The following PLEKHA2 variants were observed in gnomAD, a reference collection of about 807,000 sequenced individuals.
PLEKHA2 encodes pleckstrin homology domain-containing family A member 2.
A neutral mutation model predicts 53.2 loss-of-function variants in PLEKHA2; 28 were observed. The observed-to-expected ratio is 0.53, with a 90% confidence interval of 0.39 to 0.72. The LOEUF is 0.72. Among genes scored for constraint, PLEKHA2 ranks in the 30% least tolerant of loss-of-function variants. The pLI, the probability that PLEKHA2 is intolerant of heterozygous loss-of-function variation, is 0.00. For missense variants in PLEKHA2, 426 were observed against 537.9 expected, an observed-to-expected ratio of 0.79 and a Z score of 2.06; for synonymous variants, 193 against 196.4, an observed-to-expected ratio of 0.98 and a Z score of 0.14.
At chr8:38,934,330 A>G (rs867681204) in intron 2 of PLEKHA2, among the ~76,000 whole-genome samples, 4 of 152,054 alleles carry the variant, frequency 2.6e-5, no homozygotes, top group Admixed American at 6.6e-5. Flanking sequence ...CTGATAGATC[A>G]TTTCACTGAT....
At chr8:38,960,947 A>G (rs1410772650) in intron 10 of PLEKHA2, 4 of 152,220 alleles carry the variant, frequency 2.6e-5, no homozygotes, top group African/African-American at 7.2e-5. Context: ...AACAGTATGC[A>G]TTGGTCATTT....
chr8:38,957,461 T>G, intron 10 of PLEKHA2, 75 bp downstream of exon 10: 1 of 1,292,436 alleles, frequency 7.7e-7, no homozygotes, highest in Non-Finnish European at 1.1e-6. Flanking sequence ...TGTCCTTTCC[T>G]TTGCTTTCTC....
At chr8:38,955,602 C>A (rs536415797) in intron 9 of PLEKHA2, among the ~76,000 whole-genome samples, 1 of 152,228 alleles carries the variant, frequency 6.6e-6, no homozygotes, top group African/African-American at 2.4e-5. Context: ...CAGGATTCAC[C>A]CCAGGTCTAT....
chr8:38,943,084 G>T (rs1314588582), intron 3 of PLEKHA2, among the ~76,000 whole-genome samples: 1 of 152,130 alleles, frequency 6.6e-6, no homozygotes, highest in Admixed American at 6.6e-5. Flanking sequence ...CTTGGAGAAC[G>T]ATTTAGGGAG....
Position 38,969,770 on chromosome 8 carries a change from C to A in PLEKHA2, c.1265C>A (p.Thr422Asn), listed in dbSNP as rs1227944847. The part of the protein sequence containing the change: ...MFNLDDENIR[T>N]SDV ...AACCTTGATGATGAAAACATACGGACCTCTGATGTGTGATGGAGCACAGTG... is the reference window on the plus strand; with the variant it reads ...AACCTTGATGATGAAAACATACGGAACTCTGATGTGTGATGGAGCACAGTG... Residue 422 changes from threonine to asparagine, a missense_variant, in exon 12 of 12, where the codon ACC (threonine) becomes AAC (asparagine). By Grantham distance (65) the Thr-to-Asn change is moderately conservative. Coordinates refer to ENST00000617275, the MANE Select transcript of PLEKHA2 (RefSeq NM_021623.2). 5.8e-6 allele frequency: 9 copies of A among 1,550,512 alleles called. No individual in the cohort carries two copies. The South Asian group carries it at 6.0e-5, about 10-fold the overall frequency.
chr8:38,955,257 T>C (rs1834918475), intron 9 of PLEKHA2, among the ~76,000 whole-genome samples: 1 of 152,150 alleles, frequency 6.6e-6, no homozygotes. Flanking sequence ...AGTGGGGATT[T>C]CCCACCTGCT....
chr8:38,934,462 C>G (rs1338825987), intron 2 of PLEKHA2, among the ~76,000 whole-genome samples: 1 of 151,774 alleles, frequency 6.6e-6, no homozygotes, highest in Non-Finnish European at 1.5e-5. Flanking sequence ...GATGGAGTCT[C>G]TCTCTTCCAG....
intron 2 of PLEKHA2, among the ~76,000 whole-genome samples, chr8:38,924,300 G>A (rs367720320): frequency 3.9e-5 from 6 of 152,142 alleles, no homozygotes; most frequent in Non-Finnish European, 7.3e-5. Context: ...ATTTAGGGTC[G>A]TCAGGGTCCC....
Position 38,950,885 on chromosome 8 carries a change from A to G in PLEKHA2, c.381A>G (p.Glu127=). The G allele has an allele frequency of 1.2e-6, 2 of 1,613,888 alleles. No individual in the cohort carries two copies. The highest frequency in any genetic ancestry group is 1.7e-6 in the Non-Finnish European group (2 of 1,179,850). The stretch of plus-strand genomic sequence containing the variant: ...GTGGGGGCCTACCCATGACCACTGA[A>G]GTTCTCAAGAGCTTAGCAGCTCCTC... ...PKGGGLPMTT[E]VLKSLAAPPA... The change falls in exon 6 of 12, where the codon GAA becomes GAG. Residue 127 remains glutamate, a synonymous_variant. Transcript: ENST00000617275.
rs141869870 is a variant in PLEKHA2 at position 38,968,460 on chromosome 8, G to C, written c.838-132G>C. 6.4e-4 allele frequency: 486 copies of C among 753,512 alleles called. 1 individual carries two copies. In the African/African-American group the frequency reaches 7.6e-3, roughly 12 times the overall value. The allele number at this position is 753,512 out of a possible 1,614,324, so 46.7% of individuals were successfully genotyped here. A position where few individuals can be genotyped will look rare whatever the true frequency, so the allele number is the denominator to read the frequency against. On this transcript the variant is annotated intron_variant, in intron 10 of 11. Coordinates refer to ENST00000617275, the MANE Select transcript of PLEKHA2 (RefSeq NM_021623.2). The stretch of plus-strand genomic sequence containing the variant: ...TGTCCTTAAAAGTCTGAAAGCTACT[G>C]GACTAGATGATTTCTGGGATGCTTT...
In PLEKHA2 at chr8:38,920,886, T is replaced by C. The variant is rs1336141529; in HGVS notation, c.141+2816T>C. On this transcript the variant is annotated intron_variant, in intron 2 of 11. Transcript: ENST00000617275. Reference sequence around the variant, plus strand: ...CGCGATCTCAGCTCACTGCAACCTCTGCCTCCCGGGTTCAAGCGATTCTCC... The same window carrying C: ...CGCGATCTCAGCTCACTGCAACCTCCGCCTCCCGGGTTCAAGCGATTCTCC... 3.9e-5 allele frequency among the ~76,000 whole-genome samples: 6 copies of C among 151,920 alleles called. No individual in the cohort carries two copies. The East Asian group carries it at 1.2e-3, about 29-fold the overall frequency.
intron 10 of PLEKHA2, among the ~76,000 whole-genome samples, chr8:38,966,932 C>T (rs1057167228): frequency 1.8e-4 from 27 of 151,934 alleles, no homozygotes; most frequent in Non-Finnish European, 7.4e-5. Flanking sequence ...ATTTCTCATC[C>T]CTCACCCGCC....
At chr8:38,913,067 G>A (rs887809104) in intron 1 of PLEKHA2, among the ~76,000 whole-genome samples, 2 of 152,170 alleles carry the variant, frequency 1.3e-5, no homozygotes, top group Non-Finnish European at 2.9e-5. Flanking sequence ...CCTGACTTCA[G>A]AAAAAGACAG....
At position 38,950,882 on chromosome 8, in the gene PLEKHA2, T is replaced by G; in HGVS notation, c.378T>G (p.Thr126=). ...AAGGTGGGGGCCTACCCATGACCAC[T>G]GAAGTTCTCAAGAGCTTAGCAGCTC... ...VPKGGGLPMT[T]EVLKSLAAPP... is the part of the protein sequence containing the mutation. The change falls in exon 6 of 12, where the codon ACT becomes ACG. Residue 126 remains threonine, a synonymous_variant. Transcript: ENST00000617275. 1 of 1,613,944 alleles carries G rather than the reference T, an allele frequency of 6.2e-7. No individual in the cohort carries two copies. Among genetic ancestry groups the G allele is most frequent in the Non-Finnish European group, 8.5e-7 (1 of 1,179,854 alleles).
Position 38,957,347 on chromosome 8 carries a change from G to T in PLEKHA2, c.798G>T (p.Leu266=). The T allele has an allele frequency of 6.2e-7, 1 of 1,613,272 alleles. No individual in the cohort carries two copies. Among genetic ancestry groups the T allele is most frequent in the Non-Finnish European group, 8.5e-7 (1 of 1,179,338 alleles). Residue 266 remains leucine (L), a synonymous_variant, in exon 10 of 12, where the codon CTG becomes CTT. Transcript: ENST00000617275. The part of the protein sequence containing the change: ...KSGDLLMRDN[L]FEIITSSRTF... ...GTGATCTCTTAATGAGGGACAACCT[G>T]TTTGAAATAATAACAAGCTCCAGGA... is the stretch of plus-strand genomic sequence containing the variant.
chr8:38,944,968 C>T (rs1036729362), intron 4 of PLEKHA2, among the ~76,000 whole-genome samples: 22 of 152,170 alleles, frequency 1.4e-4, no homozygotes, highest in East Asian at 1.2e-3. Flanking sequence ...TCAGAGGAGA[C>T]GCAGATGGCA....
At chr8:38,907,165 C>T (rs577761005) in intron 1 of PLEKHA2, among the ~76,000 whole-genome samples, 1 of 152,302 alleles carries the variant, frequency 6.6e-6, no homozygotes, top group Admixed American at 6.5e-5. Context: ...GGAGCAAAAT[C>T]CCAGAAATTC....
intron 6 of PLEKHA2, among the ~76,000 whole-genome samples, chr8:38,951,733 G>A (rs1213437442): frequency 6.6e-6 from 1 of 151,914 alleles, no homozygotes; most frequent in African/African-American, 2.4e-5. Context: ...TAGAGACAAG[G>A]TCTCGCTGTG....
Position 38,917,836 on chromosome 8 carries a change from A to G in PLEKHA2, c.-23-71A>G, listed in dbSNP as rs548030498. 39 of 1,516,546 alleles carry G rather than the reference A, an allele frequency of 2.6e-5. No homozygotes were observed. In the African/African-American group the frequency reaches 3.6e-4, roughly 14 times the overall value. 93.9% of individuals were successfully genotyped at this position (1,516,546 alleles called of 1,614,324 possible). On this transcript the variant is annotated intron_variant, in intron 1 of 11. Coordinates refer to ENST00000617275, the MANE Select transcript of PLEKHA2 (RefSeq NM_021623.2). ...GAGAGTCTCAGCCCAGCTTCTGGAA[A>G]AGATTCCTGCAGGTCCTGAGGCAGA...
Sources: gnomAD v4.1 joint callset for allele counts (sites outside exome capture counted in the v4.1 genomes callset) on GRCh38, gnomAD v4.1.1 for gene constraint, MANE v1.5 for transcripts, NCBI Gene and HGNC (gene_info 2026-07-23, HGNC 2026-07-21) for gene names.